The following NXPE1 variants were observed in gnomAD, a reference collection of about 807,000 sequenced individuals.
NXPE1 encodes NXPE family member 1.
NXPE1 carries 31 observed loss-of-function variants against 33.3 expected under a neutral mutation model. That is an observed-to-expected ratio of 0.93 (90% CI 0.70 to 1.26). The LOEUF (loss-of-function observed/expected upper bound fraction) is 1.26. Ranked by LOEUF, NXPE1 falls within the 50% of genes most tolerant of loss-of-function variation. The pLI, the probability that NXPE1 is intolerant of heterozygous loss-of-function variation, is 0.00. For synonymous variants in NXPE1, 229 were observed against 231.4 expected (o/e 0.99, Z 0.09); for missense variants, 661 against 655.6 (o/e 1.01, Z -0.09).
intron 5 of NXPE1, among the ~76,000 whole-genome samples, 180 bp downstream of exon 5, chr11:114,550,923 A>G: frequency 6.6e-6 from 1 of 152,114 alleles, no homozygotes; most frequent in East Asian, 1.9e-4. Flanking sequence ...ATGGGAAATG[A>G]AGAAATAGAG....
Position 114,530,911 on chromosome 11 carries a change from G to A in NXPE1, c.100-3C>T. ...GATAAGTTTAGAGCAGACCAAAGCTGAAATGACAAGGATTGTGATATACTA... is the reference window on the plus strand; with the variant it reads ...GATAAGTTTAGAGCAGACCAAAGCTAAAATGACAAGGATTGTGATATACTA... On this transcript the variant is annotated splice_region_variant and splice_polypyrimidine_tract_variant and intron_variant, in intron 5 of 8. Coordinates refer to ENST00000534921, the Ensembl canonical transcript of NXPE1. 6.3e-7 allele frequency: 1 copy of A among 1,599,136 alleles called. No individual in the cohort carries two copies. Among genetic ancestry groups the A allele is most frequent in the Non-Finnish European group, 8.5e-7 (1 of 1,174,638 alleles).
exon 9 of NXPE1, chr11:114,521,856 T>C (rs1239726082): frequency 1.2e-6 from 1 of 829,352 alleles, no homozygotes; most frequent in Non-Finnish European, 1.9e-6. Flanking sequence ...CCCAAACAGA[T>C]TCTTTTAAAT....
chr11:114,545,558 T>C (rs1948248327), intron 5 of NXPE1, among the ~76,000 whole-genome samples: 1 of 152,150 alleles, frequency 6.6e-6, no homozygotes, highest in East Asian at 1.9e-4. Context: ...TGCCAGAGAT[T>C]TGGGGAGGGG....
At chr11:114,551,668 G>A (rs953813586) in intron 3 of NXPE1, among the ~76,000 whole-genome samples, 2 of 152,172 alleles carry the variant, frequency 1.3e-5, no homozygotes, top group African/African-American at 4.8e-5. Context: ...TGGGCAGGGA[G>A]GTGGGATGGG....
At chr11:114,556,340 T>C (rs1948647033) in intron 1 of NXPE1, among the ~76,000 whole-genome samples, 1 of 152,206 alleles carries the variant, frequency 6.6e-6, no homozygotes, top group Non-Finnish European at 1.5e-5. Flanking sequence ...TCTCTACTTA[T>C]TCAGCAGTTG....
intron 5 of NXPE1, among the ~76,000 whole-genome samples, chr11:114,540,531 C>A (rs115897009): frequency 6.6e-6 from 1 of 151,760 alleles, no homozygotes; most frequent in Non-Finnish European, 1.5e-5. Flanking sequence ...GGAATGGGTG[C>A]GTATGGGAAA....
At chr11:114,533,430 C>G (rs899146670) in intron 5 of NXPE1, among the ~76,000 whole-genome samples, 1 of 152,156 alleles carries the variant, frequency 6.6e-6, no homozygotes, top group Non-Finnish European at 1.5e-5. Flanking sequence ...GAGTGCCGGA[C>G]AGTGGGTGCA....
chr11:114,546,374 T>C (rs145417816), intron 5 of NXPE1, among the ~76,000 whole-genome samples: 5 of 152,298 alleles, frequency 3.3e-5, no homozygotes, highest in Non-Finnish European at 7.4e-5. Flanking sequence ...TGAGCCCATG[T>C]TTAGCTTAAT....
At chr11:114,553,101 A>C (rs1198558178) in intron 1 of NXPE1, among the ~76,000 whole-genome samples, 3 of 152,096 alleles carry the variant, frequency 2.0e-5, no homozygotes, top group Admixed American at 2.0e-4. Flanking sequence ...AAACTTAGAA[A>C]ATTCCTATTC....
chr11:114,519,075 AG>A (rs765048974), downstream of NXPE1, among the ~76,000 whole-genome samples: 34 of 152,222 alleles, frequency 2.2e-4, no homozygotes, highest in Admixed American at 8.5e-4. Context: ...CAGAATGTCT[AG>A]GCATAATGTG....
intron 5 of NXPE1, among the ~76,000 whole-genome samples, chr11:114,537,337 A>C (rs568216002): frequency 6.6e-6 from 1 of 152,342 alleles, no homozygotes; most frequent in Non-Finnish European, 1.5e-5. Flanking sequence ...CTGAATGGAC[A>C]AAAACTGGGA....
intron 8 of NXPE1, 54 bp from the exon 9 acceptor site, chr11:114,522,557 G>GA: frequency 7.2e-7 from 1 of 1,388,066 alleles, no homozygotes; most frequent in Non-Finnish European, 9.7e-7. Flanking sequence ...TAATATTCAT[G>GA]AAAAAGAATG....
At chr11:114,557,049 C>T (rs1250831870) in intron 1 of NXPE1, among the ~76,000 whole-genome samples, 1 of 151,850 alleles carries the variant, frequency 6.6e-6, no homozygotes, top group African/African-American at 2.4e-5. Context: ...TGAGCCACCA[C>T]ACCTGGCCAA....
chr11:114,534,944 C>T (rs539157486), intron 5 of NXPE1, among the ~76,000 whole-genome samples: 2 of 152,256 alleles, frequency 1.3e-5, no homozygotes, highest in South Asian at 2.1e-4. Context: ...CACTAAGATA[C>T]TCCTAGAGAA....
chr11:114,523,203 T>C, intron 7 of NXPE1, 112 bp from the exon 8 acceptor site: 1 of 724,268 alleles, frequency 1.4e-6, no homozygotes, highest in East Asian at 2.6e-5. Context: ...AATGCCTATT[T>C]CCTTTTTCTG....
chr11:114,553,089 G>A (rs1179343526), intron 1 of NXPE1, among the ~76,000 whole-genome samples: 2 of 152,074 alleles, frequency 1.3e-5, no homozygotes, highest in East Asian at 3.9e-4. Context: ...ATGCTTCCTG[G>A]TAAACTTAGA....
At chr11:114,558,632 A>G (rs1948711543) in intron 1 of NXPE1, among the ~76,000 whole-genome samples, 1 of 152,202 alleles carries the variant, frequency 6.6e-6, no homozygotes, top group African/African-American at 2.4e-5. Context: ...TTACATTCGT[A>G]TATTTTCTAA....
intron 7 of NXPE1, 35 bp from the exon 8 acceptor site, chr11:114,523,126 G>T: frequency 6.7e-7 from 1 of 1,484,988 alleles, no homozygotes; most frequent in South Asian, 1.1e-5. Context: ...GATTTTATTG[G>T]CAAAACTTAG....
At chr11:114,554,148 T>A (rs1948593879) in intron 1 of NXPE1, 1 of 985,330 alleles carries the variant, frequency 1.0e-6, no homozygotes, top group African/African-American at 1.7e-5. Context: ...CAGGATTGAA[T>A]CAATGTACAG....
Sources: gnomAD v4.1 joint callset for allele counts (sites outside exome capture counted in the v4.1 genomes callset) on GRCh38, gnomAD v4.1.1 for gene constraint, MANE v1.5 for transcripts, NCBI Gene and HGNC (gene_info 2026-07-23, HGNC 2026-07-21) for gene names.